Variants in DAPK1 observed in about 807,000 individuals in gnomAD.
DAPK1 encodes the protein death associated protein kinase 1, also known as death-associated protein kinase 1.
DAPK1 carries 56 observed loss-of-function variants against 144.9 expected under a neutral mutation model. The ratio of observed to expected loss-of-function variants is 0.39; its 90% CI spans 0.31 to 0.48. The LOEUF is 0.48. Ranked by LOEUF, DAPK1 falls within the 20% of genes least tolerant of loss-of-function variation. The pLI is 0.95. For missense variants in DAPK1, 1,454 were observed against 1,875.4 expected (o/e 0.78, Z 4.15); for synonymous variants, 690 against 749.0 (o/e 0.92, Z 1.29).
intron 2 of DAPK1, chr9:87,525,593 A>G: frequency 1.4e-6 from 1 of 718,026 alleles, no homozygotes; most frequent in African/African-American, 1.8e-5. Flanking sequence ...GAATAAACGA[A>G]GGCCAAAATG....
At chr9:87,539,948 C>T (rs75878584) in intron 2 of DAPK1, among the ~76,000 whole-genome samples, 3 of 151,916 alleles carry the variant, frequency 2.0e-5, no homozygotes, top group African/African-American at 2.4e-5. Context: ...CCCCAAAGCC[C>T]GAGAGTAGTG....
intron 2 of DAPK1, among the ~76,000 whole-genome samples, chr9:87,569,501 A>G (rs971335481): frequency 7.2e-5 from 11 of 152,246 alleles, no homozygotes; most frequent in African/African-American, 2.7e-4. Flanking sequence ...TAAATACTTT[A>G]GTGTCCTACT....
At chr9:87,618,371 G>A (rs116054816) in intron 3 of DAPK1, among the ~76,000 whole-genome samples, 121 of 152,344 alleles carry the variant, frequency 7.9e-4, no homozygotes, top group African/African-American at 2.9e-3. Flanking sequence ...GAAACAGTTT[G>A]TCTGTTCCTC....
chr9:87,638,113 T>G (rs1384476044), intron 4 of DAPK1, 32 bp downstream of exon 4: 6 of 1,585,086 alleles, frequency 3.8e-6, no homozygotes, highest in Non-Finnish European at 5.2e-6. Flanking sequence ...AGATAGAAGC[T>G]TGTGCAGATC....
At chr9:87,632,409 T>A in intron 3 of DAPK1, 4 of 983,436 alleles carry the variant, frequency 4.1e-6, no homozygotes, top group Non-Finnish European at 4.8e-6. Flanking sequence ...GGTATACATG[T>A]AGGGATGAAG....
intron 2 of DAPK1, among the ~76,000 whole-genome samples, chr9:87,555,842 T>C (rs1030632143): frequency 5.9e-5 from 9 of 152,246 alleles, no homozygotes; most frequent in Non-Finnish European, 1.0e-4. Context: ...TATGCAGTCA[T>C]GCAAGAGCAC....
chr9:87,610,524 C>G (rs559740657), intron 3 of DAPK1, among the ~76,000 whole-genome samples: 1 of 152,268 alleles, frequency 6.6e-6, no homozygotes, highest in Non-Finnish European at 1.5e-5. Context: ...TTCTAGCTTT[C>G]CATTCCTAAA....
chr9:87,524,126 C>A (rs1387969682), intron 2 of DAPK1, among the ~76,000 whole-genome samples: 2 of 152,154 alleles, frequency 1.3e-5, no homozygotes, highest in Non-Finnish European at 2.9e-5. Context: ...CCATTTGTGC[C>A]CCGATAGAGG....
At position 87,552,758 on chromosome 9, in the gene DAPK1, A is replaced by AT. The variant is rs33983483; in HGVS notation, c.63-52181dup. Among the ~76,000 whole-genome samples, 319 of 145,274 alleles carry AT rather than the reference A, an allele frequency of 2.2e-3. 1 individual carries two copies. Among genetic ancestry groups the AT allele is most frequent in the Middle Eastern group, 3.4e-3 (1 of 292 alleles). On this transcript the variant is annotated intron_variant, in intron 2 of 25. Transcript: ENST00000408954. Reference sequence around the variant, plus strand: ...AGACATGCCCCACTGTACCCCGTTAATTTTTTTTTTTTTTTAAGATTTCTA... The same window carrying AT: ...AGACATGCCCCACTGTACCCCGTTAATTTTTTTTTTTTTTTTAAGATTTCTA...
Position 87,633,884 on chromosome 9 carries a change from T to C in DAPK1, c.285-4059T>C, listed in dbSNP as rs531355358. Among the ~76,000 whole-genome samples the C allele has an allele frequency of 3.9e-5, 6 of 152,204 alleles. 1 individual carries two copies. The East Asian group carries it at 1.2e-3, about 29-fold the overall frequency. On this transcript the variant is annotated intron_variant, in intron 3 of 25. Coordinates refer to ENST00000408954, the MANE Select transcript of DAPK1 (RefSeq NM_004938.4). ...ACTCTGAGATGGAGAAGAGTGTGCA[T>C]GGTGTTTATTAAGAACTATACTTAG...
At chr9:87,609,687 C>T (rs1225420994) in intron 3 of DAPK1, among the ~76,000 whole-genome samples, 1 of 152,148 alleles carries the variant, frequency 6.6e-6, no homozygotes, top group East Asian at 1.9e-4. Context: ...CTTAAGAATG[C>T]TGAAGTACAG....
At chr9:87,547,040 C>T (rs531277426) in intron 2 of DAPK1, among the ~76,000 whole-genome samples, 2 of 152,152 alleles carry the variant, frequency 1.3e-5, no homozygotes, top group South Asian at 4.2e-4. Context: ...GCCTATAGTC[C>T]CAGCTGCTCA....
intron 2 of DAPK1, among the ~76,000 whole-genome samples, chr9:87,571,913 T>G (rs762004781): frequency 6.6e-6 from 1 of 152,226 alleles, no homozygotes; most frequent in Admixed American, 6.5e-5. Flanking sequence ...AGCTCTTTGG[T>G]TGCAGACCGT....
At chr9:87,616,969 G>C (rs1182079279) in intron 3 of DAPK1, among the ~76,000 whole-genome samples, 1 of 152,208 alleles carries the variant, frequency 6.6e-6, no homozygotes, top group Non-Finnish European at 1.5e-5. Context: ...CATAGATCTG[G>C]AGAGGCAGGG....
intron 19 of DAPK1, among the ~76,000 whole-genome samples, chr9:87,679,190 C>A (rs1179203958): frequency 6.6e-6 from 1 of 152,022 alleles, no homozygotes; most frequent in Non-Finnish European, 1.5e-5. Flanking sequence ...CCGTCTGTCC[C>A]CGCAGATGGG....
In DAPK1 at chr9:87,571,493, A is replaced by ACACACACC. The variant is rs1564001003; in HGVS notation, c.63-33460_63-33459insACACACCC. 1.3e-4 allele frequency among the ~76,000 whole-genome samples: 6 copies of ACACACACC among 47,078 alleles called. 1 individual carries two copies. The highest frequency in any genetic ancestry group is 9.6e-4 in the South Asian group (1 of 1,040). 30.9% of individuals were successfully genotyped at this position (47,078 alleles called of 152,430 possible). On this transcript the variant is annotated intron_variant, in intron 2 of 25. Transcript: ENST00000408954. ...CACACACCAACACACACACACACACACCCCAACACACACACACACACACAC... is the reference window on the plus strand; with the variant it reads ...CACACACCAACACACACACACACACACACACACCCCCCAACACACACACACACACACAC...
At chr9:87,553,753 C>T (rs1467534594) in intron 2 of DAPK1, 1 of 152,212 alleles carries the variant, frequency 6.6e-6, no homozygotes, top group Non-Finnish European at 1.5e-5. Context: ...GCCTGGGCCT[C>T]CCAAAGTGCT....
At chr9:87,652,505 A>C (rs868693958) in intron 17 of DAPK1, among the ~76,000 whole-genome samples, 121 of 64,416 alleles carry the variant, frequency 1.9e-3, no homozygotes, top group Middle Eastern at 0.014. Context: ...CCCACCTGAT[A>C]CCAGGTCCTG....
chr9:87,672,413 G>A (rs1292328035), intron 19 of DAPK1, among the ~76,000 whole-genome samples: 1 of 152,206 alleles, frequency 6.6e-6, no homozygotes, highest in Non-Finnish European at 1.5e-5. Context: ...GGAAATACCT[G>A]TGATCTGCTT....
Sources: allele counts gnomAD v4.1 joint callset (sites outside exome capture counted in the v4.1 genomes callset), GRCh38; gene constraint gnomAD v4.1.1; transcripts MANE v1.5; gene names NCBI Gene and HGNC (gene_info 2026-07-23, HGNC 2026-07-21).